The following NTM variants were observed in gnomAD, a reference collection of about 807,000 sequenced individuals.
NTM encodes the protein IgLON family member 2.
In NTM, 13 loss-of-function variants were observed where a neutral mutation model predicts 42.1. That is an observed-to-expected ratio of 0.31 (90% CI 0.20 to 0.49). NTM has a LOEUF of 0.49. NTM is among the 20% of genes least tolerant of loss of function. The pLI, the probability that NTM is intolerant of heterozygous loss-of-function variation, is 0.99. For synonymous variants in NTM, 187 were observed against 179.2 expected (o/e 1.04, Z -0.35); for missense variants, 373 against 452.8 (o/e 0.82, Z 1.60).
At chr11:131,895,695 T>C (rs2052161316) in intron 1 of NTM, among the ~76,000 whole-genome samples, 1 of 152,094 alleles carries the variant, frequency 6.6e-6, no homozygotes, top group African/African-American at 2.4e-5. Context: ...TATATATGTG[T>C]GTGTGTGTAT....
intron 1 of NTM, among the ~76,000 whole-genome samples, chr11:131,645,154 T>A (rs907498702): frequency 6.6e-6 from 1 of 152,142 alleles, no homozygotes; most frequent in African/African-American, 2.4e-5. Flanking sequence ...ATAATATTAT[T>A]AACCATTTCA....
chr11:132,142,603 G>A (rs1377230085), intron 2 of NTM, among the ~76,000 whole-genome samples: 1 of 152,168 alleles, frequency 6.6e-6, no homozygotes, highest in African/African-American at 2.4e-5. Flanking sequence ...TGGCTGCCGA[G>A]GTACCTTTGT....
intron 2 of NTM, among the ~76,000 whole-genome samples, chr11:131,964,979 C>A (rs1449168222): frequency 6.6e-6 from 1 of 151,970 alleles, no homozygotes; most frequent in Non-Finnish European, 1.5e-5. Context: ...TCTGTGAGGA[C>A]AGGAGCCTGA....
intron 1 of NTM, among the ~76,000 whole-genome samples, chr11:131,510,040 C>T (rs189411029): frequency 2.6e-5 from 4 of 151,676 alleles, no homozygotes; most frequent in Admixed American, 2.0e-4. Context: ...AGTTTCTTCT[C>T]CTTGTCTCAG....
intron 4 of NTM, among the ~76,000 whole-genome samples, chr11:132,255,947 A>G (rs1399868799): frequency 6.6e-6 from 1 of 152,144 alleles, no homozygotes; most frequent in Non-Finnish European, 1.5e-5. Context: ...ATCTGCTGCA[A>G]AACATCAGAA....
intron 1 of NTM, among the ~76,000 whole-genome samples, chr11:131,462,855 C>T (rs981240544): frequency 4.6e-5 from 7 of 152,008 alleles, no homozygotes; most frequent in African/African-American, 1.7e-4. Context: ...TAGAGTAGGC[C>T]CACCTAGGGT....
chr11:131,414,192 T>C (rs1946712818), intron 1 of NTM, among the ~76,000 whole-genome samples: 1 of 152,156 alleles, frequency 6.6e-6, no homozygotes, highest in South Asian at 2.1e-4. Flanking sequence ...AGGTAAACTC[T>C]AGAGACACAT....
intron 4 of NTM, among the ~76,000 whole-genome samples, chr11:132,262,692 A>C (rs555254958): frequency 1.8e-4 from 28 of 152,264 alleles, no homozygotes; most frequent in African/African-American, 6.7e-4. Context: ...TTAGGTCTTC[A>C]ACATAGGAAT....
At chr11:132,162,734 T>C (rs1015518113) in intron 3 of NTM, among the ~76,000 whole-genome samples, 1 of 137,690 alleles carries the variant, frequency 7.3e-6, no homozygotes, top group Non-Finnish European at 1.7e-5. Flanking sequence ...GGAGCATGTG[T>C]GAGTGTGTGT....
intron 1 of NTM, among the ~76,000 whole-genome samples, chr11:131,787,382 T>TTATTATTATTATTC (rs1223412614): frequency 1.0e-4 from 2 of 19,808 alleles, no homozygotes; most frequent in African/African-American, 4.2e-4. Flanking sequence ...TATTATTATT[T>TTATTATTATTATTC]TATTTTTATT....
At chr11:131,527,651 T>C (rs2050692183) in intron 1 of NTM, among the ~76,000 whole-genome samples, 1 of 152,244 alleles carries the variant, frequency 6.6e-6, no homozygotes, top group Non-Finnish European at 1.5e-5. Flanking sequence ...TCTTTCCTGC[T>C]ATTTCTAACA....
chr11:132,102,502 G>C (rs2061746836), intron 2 of NTM, among the ~76,000 whole-genome samples: 2 of 152,192 alleles, frequency 1.3e-5, no homozygotes, highest in South Asian at 4.1e-4. Context: ...AAGCGAGGTG[G>C]ATCTCACTTA....
chr11:131,573,503 T>C (rs964856001), intron 1 of NTM: 10 of 152,128 alleles, frequency 6.6e-5, no homozygotes, highest in Non-Finnish European at 1.5e-4. Flanking sequence ...TTTCTCCCAT[T>C]GTTGGGTAGA....
At chr11:131,450,561 A>G (rs1488092496) in intron 1 of NTM, among the ~76,000 whole-genome samples, 1 of 152,168 alleles carries the variant, frequency 6.6e-6, no homozygotes, top group South Asian at 2.1e-4. Flanking sequence ...AACCATGTGC[A>G]CGTAAACCCT....
intron 1 of NTM, among the ~76,000 whole-genome samples, chr11:131,667,724 G>A (rs1250138666): frequency 6.6e-6 from 1 of 152,112 alleles, no homozygotes; most frequent in Non-Finnish European, 1.5e-5. Flanking sequence ...AGACTTTGAG[G>A]GCTTCTCACC....
intron 1 of NTM, among the ~76,000 whole-genome samples, chr11:131,551,238 G>A (rs184274941): frequency 2.6e-5 from 4 of 152,236 alleles, no homozygotes; most frequent in Non-Finnish European, 5.9e-5. Context: ...GAGGACCCAA[G>A]GTGACCTTTA....
chr11:132,045,578 T>C (rs1225482963), intron 2 of NTM, among the ~76,000 whole-genome samples: 1 of 152,186 alleles, frequency 6.6e-6, no homozygotes, highest in African/African-American at 2.4e-5. Context: ...AATATTCTAG[T>C]TCATGATTCA....
chr11:131,545,649 A>G (rs2053835737), intron 1 of NTM, among the ~76,000 whole-genome samples: 1 of 152,214 alleles, frequency 6.6e-6, no homozygotes, highest in African/African-American at 2.4e-5. Context: ...GAGACATGAA[A>G]TCAAAGAAAC....
chr11:131,761,837 A>G (rs1012198063), intron 1 of NTM, among the ~76,000 whole-genome samples: 1 of 150,186 alleles, frequency 6.7e-6, no homozygotes, highest in Non-Finnish European at 1.5e-5. Flanking sequence ...ATAAATAAAT[A>G]AATAAATAAA....
Sources: gnomAD v4.1 joint callset for allele counts (sites outside exome capture counted in the v4.1 genomes callset) on GRCh38, gnomAD v4.1.1 for gene constraint, MANE v1.5 for transcripts, NCBI Gene and HGNC (gene_info 2026-07-23, HGNC 2026-07-21) for gene names.